PIGL: variants seen among roughly 807,000 people sequenced by gnomAD.
The protein encoded by PIGL is N-acetylglucosaminyl-phosphatidylinositol de-N-acetylase.
PIGL carries 22 observed loss-of-function variants against 31.1 expected under a neutral mutation model. The observed-to-expected ratio is 0.71, with a 90% CI of 0.51 to 1.01. The LOEUF is 1.01. Among genes scored for constraint, PIGL ranks in the 50% least tolerant of loss-of-function variants. PIGL has a pLI of 0.00. For synonymous variants in PIGL, 131 were observed against 117.4 expected (o/e 1.12, Z -0.75); for missense variants, 302 against 315.9 (o/e 0.96, Z 0.33).
chr17:16,265,971 C>T (rs2092840841), intron 2 of PIGL, among the ~76,000 whole-genome samples: 1 of 151,980 alleles, frequency 6.6e-6, no homozygotes, highest in Admixed American at 6.6e-5. Context: ...AACTGAGGGC[C>T]CTTTCACCCA....
intron 2 of PIGL, among the ~76,000 whole-genome samples, chr17:16,257,296 A>G (rs549376793): frequency 6.6e-6 from 1 of 152,210 alleles, no homozygotes; most frequent in South Asian, 2.1e-4. Context: ...GGGCGCCTGT[A>G]ATCCCAGCTA....
chr17:16,255,039 T>C (rs1429076658), intron 2 of PIGL, among the ~76,000 whole-genome samples: 2 of 152,240 alleles, frequency 1.3e-5, no homozygotes, highest in Non-Finnish European at 2.9e-5. Flanking sequence ...AGCATATGAA[T>C]GTGTGTGTGG....
rs185473419 is a variant in PIGL at position 16,222,288 on chromosome 17, C to T, written c.235+4827C>T. Reference sequence around the variant, plus strand: ...CAAATTGGTTTTCTTTTGAGCTGGACTTTAAAAATAGGAGTAGATATATAT... The same window carrying T: ...CAAATTGGTTTTCTTTTGAGCTGGATTTTAAAAATAGGAGTAGATATATAT... On this transcript the variant is annotated intron_variant, in intron 1 of 6. Transcript: ENST00000225609. Among the ~76,000 whole-genome samples the T allele has an allele frequency of 4.9e-3, 750 of 151,594 alleles. 7 individuals are homozygous for T. Among genetic ancestry groups the T allele is most frequent in the Non-Finnish European group, 6.3e-3 (428 of 67,938 alleles).
chr17:16,258,139 AAG>A (rs143387730), intron 2 of PIGL, among the ~76,000 whole-genome samples: 4,398 of 99,214 alleles, frequency 0.044, 323 homozygotes, highest in African/African-American at 0.13. Flanking sequence ...GAGAGAGAGA[AAG>A]AGAGAGAGAG....
At chr17:16,229,250 C>T (rs975291274) in intron 1 of PIGL, among the ~76,000 whole-genome samples, 2 of 151,896 alleles carry the variant, frequency 1.3e-5, no homozygotes, top group Non-Finnish European at 2.9e-5. Context: ...GCATTCCGGC[C>T]TGGGTGACAG....
At chr17:16,312,328 G>A (rs2093055970) in intron 3 of PIGL, 2 of 162,196 alleles carry the variant, frequency 1.2e-5, no homozygotes, top group Non-Finnish European at 2.6e-5. Flanking sequence ...AGATGGGGCG[G>A]CAGGGCAGAG....
intron 2 of PIGL, among the ~76,000 whole-genome samples, chr17:16,245,779 CAT>C (rs764855995): frequency 0.031 from 4,559 of 145,722 alleles, 149 homozygotes; most frequent in African/African-American, 0.077. Flanking sequence ...TACACACACA[CAT>C]ATATATATAT....
At chr17:16,238,161 A>T (rs182038116) in intron 2 of PIGL, among the ~76,000 whole-genome samples, 2 of 147,368 alleles carry the variant, frequency 1.4e-5, no homozygotes, top group East Asian at 2.0e-4. Context: ...GCGCCATTGC[A>T]CTCCAGCCTG....
chr17:16,228,581 G>C (rs1356886481), intron 1 of PIGL, among the ~76,000 whole-genome samples: 2 of 150,392 alleles, frequency 1.3e-5, no homozygotes, highest in Non-Finnish European at 3.0e-5. Flanking sequence ...GTAGAGACGG[G>C]GTTTCACCGT....
intron 2 of PIGL, among the ~76,000 whole-genome samples, chr17:16,271,931 C>G (rs1289843400): frequency 6.6e-6 from 1 of 152,060 alleles, no homozygotes. Flanking sequence ...TCCTCTGTCT[C>G]CCAGGCTGGT....
intron 2 of PIGL, among the ~76,000 whole-genome samples, chr17:16,273,667 G>A (rs918113616): frequency 2.0e-5 from 3 of 152,030 alleles, no homozygotes; most frequent in Non-Finnish European, 1.5e-5. Context: ...GCTATTCTAA[G>A]GCTTGATGAC....
rs1373926981 is a variant in PIGL, at chr17:16,217,223, C to G, written c.-4C>G. 2 of 1,612,916 alleles carry G rather than the reference C, an allele frequency of 1.2e-6. No homozygotes were observed. The highest frequency in any genetic ancestry group is 2.2e-5 in the South Asian group (2 of 91,024). Reference sequence around the variant, plus strand: ...CTGCGCAGGCTCAGTGCTGCTTACCCATCATGGAAGCAATGTGGCTCCTGT... The same window carrying G: ...CTGCGCAGGCTCAGTGCTGCTTACCGATCATGGAAGCAATGTGGCTCCTGT... On this transcript the variant is annotated 5_prime_UTR_variant, in exon 1 of 7. Coordinates refer to ENST00000225609, the MANE Select transcript of PIGL (RefSeq NM_004278.4).
chr17:16,317,666 C>T, intron 5 of PIGL, 109 bp from the exon 6 acceptor site: 1 of 1,544,736 alleles, frequency 6.5e-7, no homozygotes, highest in South Asian at 1.2e-5. Flanking sequence ...AATGCTGTGG[C>T]CACTGTCCTG....
intron 2 of PIGL, among the ~76,000 whole-genome samples, chr17:16,258,093 G>A (rs1039466436): frequency 1.8e-4 from 24 of 132,934 alleles, no homozygotes; most frequent in African/African-American, 4.6e-4. Context: ...GAGAGAGAGA[G>A]AGAGAGAGAA....
chr17:16,265,609 A>G (rs908086464), intron 2 of PIGL, among the ~76,000 whole-genome samples: 3 of 151,940 alleles, frequency 2.0e-5, no homozygotes. Flanking sequence ...GAATCGTGGC[A>G]CGTGCCTGTA....
At chr17:16,254,521 G>A (rs564829822) in intron 2 of PIGL, among the ~76,000 whole-genome samples, 6 of 152,206 alleles carry the variant, frequency 3.9e-5, no homozygotes, top group African/African-American at 1.4e-4. Flanking sequence ...GCCCACCTCG[G>A]CCTCCCAAAG....
chr17:16,288,743 T>TTAGTAGACACA, intron 2 of PIGL, among the ~76,000 whole-genome samples: 1 of 151,640 alleles, frequency 6.6e-6, no homozygotes, highest in South Asian at 2.1e-4. Context: ...TTCTCCATGT[T>TTAGTAGACACA]GGTCAGGCTG....
chr17:16,275,990 C>T (rs1350707933), intron 2 of PIGL, among the ~76,000 whole-genome samples: 1 of 152,156 alleles, frequency 6.6e-6, no homozygotes, highest in African/African-American at 2.4e-5. Context: ...GGCCACTGCA[C>T]TCCAGTCTGG....
intron 6 of PIGL, among the ~76,000 whole-genome samples, chr17:16,322,072 C>T (rs948760614): frequency 3.9e-5 from 6 of 151,914 alleles, no homozygotes; most frequent in South Asian, 2.1e-4. Flanking sequence ...TGTGAGCCAT[C>T]GCACCCAGCC....
Sources: gnomAD v4.1 joint callset for allele counts (sites outside exome capture counted in the v4.1 genomes callset) on GRCh38, gnomAD v4.1.1 for gene constraint, MANE v1.5 for transcripts, NCBI Gene and HGNC (gene_info 2026-07-23, HGNC 2026-07-21) for gene names.